Variants in AGAP1 observed in about 807,000 individuals in gnomAD.
The protein encoded by AGAP1 is ArfGAP with GTPase domain, ankyrin repeat and PH domain 1, also known as arf-GAP with GTPase, ANK repeat and PH domain-containing protein 1.
AGAP1 carries 29 observed loss-of-function variants against 105.3 expected under a neutral mutation model. That is an observed-to-expected ratio of 0.28 (90% CI 0.21 to 0.38). The LOEUF (loss-of-function observed/expected upper bound fraction) is 0.38. Ranked by LOEUF, AGAP1 falls within the 10% of genes least tolerant of loss-of-function variation. AGAP1 has a pLI of 1.00. For missense variants in AGAP1, 998 were observed against 1,165.1 expected, an observed-to-expected ratio of 0.86 and a Z score of 2.09; for synonymous variants, 509 against 485.9, an observed-to-expected ratio of 1.05 and a Z score of -0.63.
chr2:236,126,154 A>G lies in AGAP1; in HGVS notation c.*2032A>G, dbSNP rs2060001257. On this transcript the variant is annotated 3_prime_UTR_variant, in exon 18 of 18. Coordinates refer to ENST00000304032, the MANE Select transcript of AGAP1 (RefSeq NM_001037131.3). ...AGCTAAGTGGAGCTCACTCGTATCC[A>G]AAAGTATAACAGGTGCAGAAGCCAC... 1 of 152,266 alleles carries G rather than the reference A, an allele frequency of 6.6e-6. No homozygotes were observed. Among genetic ancestry groups the G allele is most frequent in the Non-Finnish European group, 1.5e-5 (1 of 68,046 alleles). 9.4% of individuals were successfully genotyped at this position (152,266 alleles called of 1,614,324 possible).
rs991625898 is a variant in AGAP1, at chr2:235,751,145, C to T, written c.673+657C>T. 6.6e-5 allele frequency among the ~76,000 whole-genome samples: 10 copies of T among 151,982 alleles called. No individual in the cohort carries two copies. The highest frequency in any genetic ancestry group is 3.9e-4 in the Admixed American group (6 of 15,290). ...TGTGGATGATCATAGCGCCAGACGT[C>T]GTCTATGAGAGAGGAGCCTGTGCAG... On this transcript the variant is annotated intron_variant, in intron 6 of 17. Transcript: ENST00000304032. This position sits in a 1 kb window ranked among gnomAD's most constrained non-coding sequence, Gnocchi z 5.3.
At chr2:235,564,431 G>A (rs946842534) in intron 1 of AGAP1, among the ~76,000 whole-genome samples, 11 of 152,208 alleles carry the variant, frequency 7.2e-5, no homozygotes, top group Admixed American at 2.6e-4. Context: ...CCAAATAACC[G>A]AGACTAGCTC....
At chr2:235,916,914 G>A (rs919565502) in intron 11 of AGAP1, among the ~76,000 whole-genome samples, 1 of 152,198 alleles carries the variant, frequency 6.6e-6, no homozygotes, top group African/African-American at 2.4e-5. Flanking sequence ...ATGGCAGCAA[G>A]GGGGCAGACA....
At chr2:235,685,677 C>T (rs780198392) in intron 1 of AGAP1, among the ~76,000 whole-genome samples, 6 of 151,934 alleles carry the variant, frequency 3.9e-5, no homozygotes, top group Non-Finnish European at 5.9e-5. Context: ...TAGCACCTTT[C>T]GATTTTTTTT....
Position 235,958,978 on chromosome 2 carries a change from T to C in AGAP1, c.1484-9484T>C, listed in dbSNP as rs573466605. Among the ~76,000 whole-genome samples, 3 of 152,300 alleles carry C rather than the reference T, an allele frequency of 2.0e-5. No homozygotes were observed. The highest frequency in any genetic ancestry group is 2.1e-4 in the South Asian group (1 of 4,834). On this transcript the variant is annotated intron_variant, in intron 12 of 17. Transcript: ENST00000304032. The surrounding 1 kb of genome is among the most constrained non-coding windows in gnomAD (Gnocchi z 4.1). ...TGTGCGTTGAACATTGATGCCCGAT[T>C]GGGAAGAACTAATGGCTGACATTGA...
At chr2:235,809,175 A>G (rs1957996716) in intron 9 of AGAP1, among the ~76,000 whole-genome samples, 1 of 152,042 alleles carries the variant, frequency 6.6e-6, no homozygotes, top group Non-Finnish European at 1.5e-5. Context: ...CCCCCGGTAT[A>G]ATTGGAACCT....
At chr2:235,587,837 A>G (rs1249310617) in intron 1 of AGAP1, among the ~76,000 whole-genome samples, 1 of 151,856 alleles carries the variant, frequency 6.6e-6, no homozygotes, top group African/African-American at 2.4e-5. Context: ...GCTAACACTC[A>G]GCCCCACAGG....
chr2:235,989,317 T>G lies in AGAP1; in HGVS notation c.1645+20694T>G, dbSNP rs747470326. 2.0e-5 allele frequency among the ~76,000 whole-genome samples: 3 copies of G among 152,200 alleles called. No homozygotes were observed. Among genetic ancestry groups the G allele is most frequent in the Non-Finnish European group, 4.4e-5 (3 of 68,036 alleles). On this transcript the variant is annotated intron_variant, in intron 13 of 17. Transcript: ENST00000304032. This position sits in a 1 kb window ranked among gnomAD's most constrained non-coding sequence, Gnocchi z 4.4. ...AGCTCCTCTGCCCATCTGGTGACTT[T>G]GCAAGCTCACAATGTCCTGAATGAA...
chr2:235,828,381 T>C (rs773664843), intron 9 of AGAP1, among the ~76,000 whole-genome samples: 5 of 152,066 alleles, frequency 3.3e-5, no homozygotes, highest in Admixed American at 1.3e-4. Context: ...ACAACCACCT[T>C]AGGAGGGATA....
rs974962996 is a variant in AGAP1, at chr2:235,875,476, G to T, written c.1051-7869G>T. On this transcript the variant is annotated intron_variant, in intron 9 of 17. Transcript: ENST00000304032. This position sits in a 1 kb window ranked among gnomAD's most constrained non-coding sequence, Gnocchi z 4.0. ...AGCACAGGTCTGTGATGCCCACGAG[G>T]CTGTGCGGCTCAGGGCCAGGTCGGT... Among the ~76,000 whole-genome samples the T allele has an allele frequency of 3.5e-4, 53 of 152,210 alleles. No homozygotes were observed. The highest frequency in any genetic ancestry group is 1.2e-3 in the African/African-American group (51 of 41,444).
intron 9 of AGAP1, among the ~76,000 whole-genome samples, chr2:235,851,957 T>TA (rs2048483792): frequency 6.6e-6 from 1 of 152,186 alleles, no homozygotes; most frequent in South Asian, 2.1e-4. Flanking sequence ...GAAAATACAT[T>TA]AAAGTGGGCA....
intron 1 of AGAP1, among the ~76,000 whole-genome samples, chr2:235,548,610 G>A (rs1209398955): frequency 1.4e-5 from 2 of 146,650 alleles, no homozygotes; most frequent in African/African-American, 2.5e-5. Context: ...CCAAGATTGC[G>A]CCATTGCACT....
chr2:235,645,043 C>A (rs376420906), intron 1 of AGAP1, among the ~76,000 whole-genome samples: 169 of 152,128 alleles, frequency 1.1e-3, no homozygotes, highest in South Asian at 4.0e-3. Flanking sequence ...TTACAGGTGC[C>A]TGCCACCATG....
chr2:235,914,582 A>G (rs2051781092), intron 11 of AGAP1, among the ~76,000 whole-genome samples: 1 of 152,234 alleles, frequency 6.6e-6, no homozygotes, highest in Admixed American at 6.5e-5. Flanking sequence ...ACACTTTAAA[A>G]TGCTGGAAAT....
chr2:235,544,177 G>A (rs1305737825), intron 1 of AGAP1, among the ~76,000 whole-genome samples: 2 of 152,204 alleles, frequency 1.3e-5, no homozygotes, highest in African/African-American at 4.8e-5. Flanking sequence ...TCTTTATGAG[G>A]GGTGACAGAT....
At chr2:235,837,383 A>G (rs901167576) in intron 9 of AGAP1, among the ~76,000 whole-genome samples, 1 of 152,194 alleles carries the variant, frequency 6.6e-6, no homozygotes, top group South Asian at 2.1e-4. Context: ...CGTTTACTCT[A>G]AAGGATCCAG....
intron 1 of AGAP1, among the ~76,000 whole-genome samples, chr2:235,696,280 G>A (rs771418843): frequency 2.6e-5 from 4 of 152,134 alleles, no homozygotes; most frequent in African/African-American, 7.2e-5. Context: ...TCCTGACCTC[G>A]GGTGATCCAC....
intron 1 of AGAP1, among the ~76,000 whole-genome samples, chr2:235,632,558 A>G (rs1200205437): frequency 1.3e-5 from 2 of 152,196 alleles, no homozygotes; most frequent in Non-Finnish European, 2.9e-5. Context: ...CTGATGGCCA[A>G]GTTTGATAGG....
intron 9 of AGAP1, among the ~76,000 whole-genome samples, chr2:235,881,265 ATTC>A (rs1355915774): frequency 2.0e-5 from 3 of 152,196 alleles, no homozygotes; most frequent in African/African-American, 7.2e-5. Context: ...ATAATTATTC[ATTC>A]TTATGTTGTA....
Sources: allele counts gnomAD v4.1 joint callset (sites outside exome capture counted in the v4.1 genomes callset), GRCh38; gene constraint gnomAD v4.1.1; non-coding constraint Gnocchi (gnomAD v3.1); transcripts MANE v1.5; gene names NCBI Gene and HGNC (gene_info 2026-07-23, HGNC 2026-07-21).